ZNF559: variants seen among roughly 807,000 people sequenced by gnomAD.
ZNF559 encodes the protein zinc finger protein 559.
A neutral mutation model predicts 14.2 loss-of-function variants in ZNF559; 17 were observed. The ratio of observed to expected loss-of-function variants is 1.20; its 90% confidence interval spans 0.82 to 1.80. ZNF559 has a LOEUF of 1.80. Ranked by LOEUF, ZNF559 falls within the 40% of genes most tolerant of loss-of-function variation. ZNF559 has a pLI of 0.00. For synonymous variants in ZNF559, 244 were observed against 212.4 expected (o/e 1.15, Z -1.29); for missense variants, 740 against 629.7 (o/e 1.18, Z -1.88).
chr19:9,324,982 C>T (rs928956528), intron 2 of ZNF559, among the ~76,000 whole-genome samples: 1 of 152,204 alleles, frequency 6.6e-6, no homozygotes, highest in Non-Finnish European at 1.5e-5. Context: ...TGGTTCCAGG[C>T]CATCACCTAG....
At chr19:9,324,094 A>G (rs1229962563), upstream of ZNF559, 1 of 1,474,446 alleles carries the variant, frequency 6.8e-7, no homozygotes, top group Non-Finnish European at 9.1e-7. Flanking sequence ...AAAAAGCCGC[A>G]GCAGCTGATG....
At position 9,342,807 on chromosome 19, in the gene ZNF559, T is replaced by C. The variant is rs1599359596; in HGVS notation, c.1356T>C (p.Leu452=). The change falls in exon 7 of 7, where the codon CTT becomes CTC. Residue 452 remains leucine (L), a synonymous_variant. Transcript: ENST00000603380. ...CGKAFRYSSH[L]SQHKRIHTGE... is the part of the protein sequence containing the mutation. ...AAGCCTTTAGATACTCCTCGCACCTTAGTCAACATAAAAGAATACATACAG... is the reference window on the plus strand; with the variant it reads ...AAGCCTTTAGATACTCCTCGCACCTCAGTCAACATAAAAGAATACATACAG... 8 of 1,614,074 alleles carry C rather than the reference T, an allele frequency of 5.0e-6. No homozygotes were observed. Among genetic ancestry groups the C allele is most frequent in the Non-Finnish European group, 6.8e-6 (8 of 1,180,002 alleles).
At chr19:9,341,392 TC>T in intron 6 of ZNF559, 1 of 757,024 alleles carries the variant, frequency 1.3e-6, no homozygotes, top group East Asian at 2.7e-5. Context: ...CATATTTCCT[TC>T]AACATTCCCA....
intron 5 of ZNF559, among the ~76,000 whole-genome samples, chr19:9,340,139 A>T (rs985948209): frequency 2.6e-5 from 4 of 151,952 alleles, no homozygotes; most frequent in Non-Finnish European, 4.4e-5. Context: ...GGTACTAGCT[A>T]TGCAAACATA....
At chr19:9,324,621 C>A in intron 1 of ZNF559, 74 bp from the exon 2 acceptor site, 2 of 958,900 alleles carry the variant, frequency 2.1e-6, no homozygotes, top group South Asian at 1.5e-5. Context: ...TAGGGAGACC[C>A]CCCCCCCCAA....
At chr19:9,341,552 C>T (rs1277777960) in intron 6 of ZNF559, 143 bp from the exon 7 acceptor site, 2 of 1,435,186 alleles carry the variant, frequency 1.4e-6, no homozygotes, top group African/African-American at 2.9e-5. Flanking sequence ...TGAACCATGC[C>T]TTGCAATGAA....
chr19:9,327,235 T>G (rs1010794329), intron 2 of ZNF559, among the ~76,000 whole-genome samples: 2 of 101,740 alleles, frequency 2.0e-5, no homozygotes, highest in Admixed American at 9.5e-5. Context: ...GGTTTTGTTT[T>G]GTTTTGTTTT....
chr19:9,339,306 T>G lies in ZNF559; in HGVS notation c.147T>G (p.Asn49Lys), dbSNP rs73920745. ...YRDVMLENYKNLVAVDWESHI... is the reference protein window; with the variant it reads ...YRDVMLENYKKLVAVDWESHI... ...ATGTGATGCTGGAGAACTATAAGAA[T>G]CTAGTTGCAGTAGGTAAGGCTGGTA... The change falls in exon 5 of 7, where the codon AAT (asparagine) becomes AAG (lysine). Residue 49 changes from asparagine to lysine, a missense_variant. Physicochemically the swap from Asn to Lys is moderately conservative, Grantham distance 94. Transcript: ENST00000603380. 4,443 of 1,612,882 alleles carry G rather than the reference T, an allele frequency of 2.8e-3. 107 individuals carry two copies. In the African/African-American group the frequency reaches 0.052, roughly 19 times the overall value.
rs759177682 is a variant in ZNF559, at chr19:9,342,563, A to G, written c.1112A>G (p.His371Arg). Reference protein sequence around the residue: ...AFANSSHLTVHMRTHTGEKPY... With the variant: ...AFANSSHLTVRMRTHTGEKPY... ...GCTAACTCTTCACATCTTACTGTAC[A>G]TATGAGAACTCACACTGGTGAGAAG... The change falls in exon 7 of 7, where the codon CAT (histidine) becomes CGT (arginine). Residue 371 changes from histidine to arginine, a missense_variant. By Grantham distance (29) the His-to-Arg change is conservative (BLOSUM62 0). Coordinates refer to ENST00000603380, the MANE Select transcript of ZNF559 (RefSeq NM_032497.3). 13 of 1,614,050 alleles carry G rather than the reference A, an allele frequency of 8.1e-6. No homozygotes were observed. Among genetic ancestry groups the G allele is most frequent in the East Asian group, 2.2e-5 (1 of 44,886 alleles).
At chr19:9,333,362 A>C (rs1438000636) in intron 2 of ZNF559, among the ~76,000 whole-genome samples, 1 of 152,218 alleles carries the variant, frequency 6.6e-6, no homozygotes, top group East Asian at 1.9e-4. Flanking sequence ...ATTTAACTAT[A>C]TCCTGCCAAA....
chr19:9,324,252 G>T (rs544447479), intron 1 of ZNF559, 24 bp downstream of exon 1: 1 of 1,536,096 alleles, frequency 6.5e-7, no homozygotes, highest in South Asian at 1.2e-5. Flanking sequence ...TCTGGGCGGC[G>T]TTCGGTGGTG....
intron 2 of ZNF559, 108 bp from the exon 3 acceptor site, chr19:9,337,688 C>A: frequency 1.4e-6 from 1 of 716,638 alleles, no homozygotes; most frequent in Non-Finnish European, 2.0e-6. Flanking sequence ...ACTTATCCTA[C>A]CACTGTTTCT....
intron 6 of ZNF559, 126 bp downstream of exon 6, chr19:9,341,310 CTGTCTCTTGG>C: frequency 1.1e-6 from 1 of 933,786 alleles, no homozygotes; most frequent in Non-Finnish European, 1.7e-6. Context: ...CAAAAATAAT[CTGTCTCTTGG>C]AGAGACTATG....
chr19:9,342,899 A>C lies in ZNF559; in HGVS notation c.1448A>C (p.His483Pro), dbSNP rs894207582. The C allele has an allele frequency of 2.5e-6, 4 of 1,614,092 alleles. No homozygotes were observed. Among genetic ancestry groups the C allele is most frequent in the South Asian group, 1.1e-5 (1 of 91,090 alleles). Reference protein sequence around the residue: ...AFSISSGLTVHMRTHTGERPF... With the variant: ...AFSISSGLTVPMRTHTGERPF... ...AGTATCTCATCAGGCCTTACAGTAC[A>C]CATGAGAACTCACACTGGTGAACGG... is the stretch of plus-strand genomic sequence containing the variant. The change falls in exon 7 of 7, where the codon CAC becomes CCC. Residue 483 changes from histidine to proline, a missense_variant. Physicochemically the swap from His to Pro is moderately conservative, Grantham distance 77 (BLOSUM62 -2). Coordinates refer to ENST00000603380, the MANE Select transcript of ZNF559 (RefSeq NM_032497.3).
intron 4 of ZNF559, 90 bp from the exon 5 acceptor site, chr19:9,339,099 CTTGT>C: frequency 6.4e-7 from 1 of 1,569,964 alleles, no homozygotes; most frequent in Non-Finnish European, 8.7e-7. Context: ...ACCAAAGAGT[CTTGT>C]CAAGGCATGC....
chr19:9,336,449 G>A (rs533245954), intron 2 of ZNF559, among the ~76,000 whole-genome samples: 131 of 152,108 alleles, frequency 8.6e-4, no homozygotes, highest in African/African-American at 3.0e-3. Context: ...AAATTAGCTG[G>A]GGTTGGTGGT....
chr19:9,335,494 C>T (rs117269042), intron 2 of ZNF559, among the ~76,000 whole-genome samples: 5 of 152,232 alleles, frequency 3.3e-5, no homozygotes, highest in Admixed American at 6.5e-5. Flanking sequence ...ATAAAATAGA[C>T]AAACTTTTGC....
At position 9,328,055 on chromosome 19, in the gene ZNF559, A is replaced by T. The variant is rs76221636; in HGVS notation, c.-120+3275A>T. Among the ~76,000 whole-genome samples, 564 of 152,302 alleles carry T rather than the reference A, an allele frequency of 3.7e-3. 4 individuals are homozygous for T. The highest frequency in any genetic ancestry group is 0.013 in the African/African-American group (531 of 41,572). ...TAGAATATGTATTTTCTTACATCAT[A>T]CATTTATACTCATATTCCTATTACA... On this transcript the variant is annotated intron_variant, in intron 2 of 6. Transcript: ENST00000603380.
Position 9,338,559 on chromosome 19 carries a change from G to A in ZNF559, c.10G>A (p.Gly4Arg), listed in dbSNP as rs199531340. The A allele has an allele frequency of 1.6e-4, 265 of 1,613,744 alleles. No individual in the cohort carries two copies. Among genetic ancestry groups the A allele is most frequent in the Non-Finnish European group, 4.2e-6 (5 of 1,179,818 alleles). MVA[G>R]WLTNYSQDSV... ...ATTTGAAGAGGAAAGGATGGTGGCT[G>A]GGTGGTTGACAAATTACTCTCAGGT... Residue 4 changes from glycine (G) to arginine (R), a missense_variant, in exon 4 of 7, where the codon GGG becomes AGG. Transcript: ENST00000603380.
Sources: gnomAD v4.1 joint callset for allele counts (sites outside exome capture counted in the v4.1 genomes callset) on GRCh38, gnomAD v4.1.1 for gene constraint, MANE v1.5 for transcripts, NCBI Gene and HGNC (gene_info 2026-07-23, HGNC 2026-07-21) for gene names.